Variants in COPA observed in about 807,000 individuals in gnomAD.
The protein encoded by COPA is coatomer subunit alpha.
A neutral mutation model predicts 158.7 loss-of-function variants in COPA; 10 were observed. The ratio of observed to expected loss-of-function variants is 0.06; its 90% CI spans 0.04 to 0.11. COPA has a LOEUF of 0.11. Ranked by LOEUF, COPA falls within the 10% of genes least tolerant of loss-of-function variation. The pLI, the probability that COPA is intolerant of heterozygous loss-of-function variation, is 1.00. For synonymous variants in COPA, 462 were observed against 542.8 expected (o/e 0.85, Z 2.07); for missense variants, 1,065 against 1,536.7 (o/e 0.69, Z 5.13).
intron 27 of COPA, 82 bp downstream of exon 27, chr1:160,293,083 AT>A: frequency 7.3e-7 from 1 of 1,360,916 alleles, no homozygotes; most frequent in Non-Finnish European, 1.0e-6. Flanking sequence ...GGGTAGGATA[AT>A]TTCCCTTGAT....
chr1:160,299,044 G>GAA, intron 18 of COPA, 53 bp from the exon 19 acceptor site: 11 of 1,172,066 alleles, frequency 9.4e-6, no homozygotes, highest in South Asian at 4.8e-5. Flanking sequence ...TACAGGAAAA[G>GAA]AAAAAAAAAA....
Position 160,333,679 on chromosome 1 carries a change from C to T in COPA, c.310G>A (p.Glu104Lys). 6.2e-7 allele frequency: 1 copy of T among 1,610,534 alleles called. No homozygotes were observed. Among genetic ancestry groups the T allele is most frequent in the Non-Finnish European group, 8.5e-7 (1 of 1,177,350 alleles). ...DYIRTTFFHHEYPWILSASDD... is the reference protein window; with the variant it reads ...DYIRTTFFHHKYPWILSASDD... ...GAGGCACTCAGAATCCAGGGATATT[C>T]CTGAAAGATATTCCAGACAAAGGCT... Residue 104 changes from glutamate to lysine, a missense_variant and splice_region_variant, in exon 5 of 33, where the codon GAA becomes AAA. Coordinates refer to ENST00000241704, the MANE Select transcript of COPA (RefSeq NM_004371.4).
intron 30 of COPA, 84 bp from the exon 31 acceptor site, chr1:160,291,580 A>C (rs1426742197): frequency 2.7e-6 from 4 of 1,486,176 alleles, no homozygotes; most frequent in Non-Finnish European, 3.7e-6. Flanking sequence ...ATGCATAAAA[A>C]ACACAACACA....
intron 3 of COPA, 105 bp from the exon 4 acceptor site, chr1:160,335,427 G>A: frequency 1.3e-6 from 1 of 774,718 alleles, no homozygotes; most frequent in Non-Finnish European, 1.9e-6. Context: ...TATAAATATA[G>A]ATTTATATAC....
chr1:160,306,715 C>G (rs1233401440), intron 14 of COPA, among the ~76,000 whole-genome samples: 1 of 152,156 alleles, frequency 6.6e-6, no homozygotes, highest in Non-Finnish European at 1.5e-5. Context: ...CCTGAGAAGT[C>G]CCAACTAAAG....
chr1:160,323,016 C>CA (rs1659379633), intron 8 of COPA, among the ~76,000 whole-genome samples: 1 of 151,152 alleles, frequency 6.6e-6, no homozygotes, highest in Non-Finnish European at 1.5e-5. Context: ...CACACACACA[C>CA]AATGGAATAT....
chr1:160,343,089 C>T, intron 1 of COPA, 42 bp downstream of exon 1: 1 of 1,613,636 alleles, frequency 6.2e-7, no homozygotes, highest in South Asian at 1.1e-5. Context: ...AGCGCCGCTC[C>T]TGACATCCAA....
intron 32 of COPA, 24 bp from the exon 33 acceptor site, chr1:160,290,240 C>G (rs1242492146): frequency 6.2e-7 from 1 of 1,613,346 alleles, no homozygotes; most frequent in East Asian, 2.2e-5. Flanking sequence ...AACAAAGGAA[C>G]AAGTTAGAGA....
intron 8 of COPA, among the ~76,000 whole-genome samples, chr1:160,318,866 A>G (rs1009945638): frequency 6.6e-6 from 1 of 152,058 alleles, no homozygotes; most frequent in Non-Finnish European, 1.5e-5. Flanking sequence ...CAGCACAAAA[A>G]CTATTAATAT....
At chr1:160,310,589 A>G in intron 11 of COPA, 1 of 167,710 alleles carries the variant, frequency 6.0e-6, no homozygotes, top group Non-Finnish European at 1.3e-5. Context: ...AGTGGACACC[A>G]CAGAGTAACA....
chr1:160,306,473 C>G lies in COPA; in HGVS notation c.1323G>C (p.Lys441Asn). The G allele has an allele frequency of 6.2e-7, 1 of 1,614,194 alleles. No individual in the cohort carries two copies. Among genetic ancestry groups the G allele is most frequent in the East Asian group, 2.2e-5 (1 of 44,884 alleles). Residue 441 changes from lysine to asparagine, a missense_variant, in exon 15 of 33, where the codon AAG (lysine) becomes AAC (asparagine). Around this residue, in one of 2 missense-constraint regions of COPA, gnomAD observed 980 missense variants for 1,357.8 expected, o/e 0.72. Transcript: ENST00000241704. The part of the protein sequence containing the change: ...RMHSLLIKNL[K>N]NEITKKVQVP... ...CCTGTACCTTTTTGGTGATCTCATTCTTCAGATTCTTGATCAGAAGCTGCA... is the reference window on the plus strand; with the variant it reads ...CCTGTACCTTTTTGGTGATCTCATTGTTCAGATTCTTGATCAGAAGCTGCA...
intron 17 of COPA, among the ~76,000 whole-genome samples, chr1:160,301,927 T>G (rs1404590872): frequency 6.6e-6 from 1 of 152,016 alleles, no homozygotes; most frequent in South Asian, 2.1e-4. Flanking sequence ...ATTTTAAAAA[T>G]CTACTGTAAG....
chr1:160,305,156 T>C (rs912588543), intron 17 of COPA: 4 of 272,178 alleles, frequency 1.5e-5, no homozygotes, highest in African/African-American at 8.8e-5. Flanking sequence ...GTGCCGGAAC[T>C]GTTCTATTTT....
intron 17 of COPA, among the ~76,000 whole-genome samples, chr1:160,301,743 G>A (rs922859442): frequency 1.3e-5 from 2 of 151,950 alleles, no homozygotes; most frequent in Non-Finnish European, 2.9e-5. Flanking sequence ...ACTACACAAT[G>A]GGCAACAGAG....
In COPA at chr1:160,297,569, C is replaced by T. The variant is rs1407441109; in HGVS notation, c.2154G>A (p.Lys718=). The change falls in exon 20 of 33, where the codon AAG becomes AAA. Residue 718 remains lysine (K), a synonymous_variant. Transcript: ENST00000241704. Reference sequence around the variant, plus strand: ...TGAGGGCCTCACCAATCTTCATCATCTTGCGAAGTTTTTCTAAGTTGCCAG... The same window carrying T: ...TGAGGGCCTCACCAATCTTCATCATTTTGCGAAGTTTTTCTAAGTTGCCAG... ...LITGNLEKLR[K]MMKIAEIRKD... is the part of the protein sequence containing the mutation. 2.5e-6 allele frequency: 4 copies of T among 1,613,886 alleles called. No homozygotes were observed. The African/African-American group carries it at 5.3e-5, about 22-fold the overall frequency.
chr1:160,294,463 A>G (rs1658336459), intron 25 of COPA, 21 bp downstream of exon 25: 2 of 1,604,336 alleles, frequency 1.2e-6, no homozygotes, highest in Admixed American at 1.7e-5. Context: ...AGAACCTTCT[A>G]AGGGTACAAA....
At chr1:160,323,309 G>A in intron 8 of COPA, 122 bp downstream of exon 8, 1 of 520,284 alleles carries the variant, frequency 1.9e-6, no homozygotes, top group Non-Finnish European at 3.2e-6. Context: ...CTATGCTCCT[G>A]GGATTAGCAT....
rs1425171090 is a variant in COPA at position 160,294,776 on chromosome 1, A to G, written c.2558T>C (p.Leu853Ser). Residue 853 changes from leucine to serine, a missense_variant, in exon 24 of 33, where the codon TTG (leucine) becomes TCG (serine). Transcript: ENST00000241704. ...EGWGEDAELQ[L>S]DEDGFVEATE... is the part of the protein sequence containing the mutation. ...TAAAACAGCACTTTTACCTTCATCC[A>G]ACTGCAGCTCTGCATCCTCTCCCCA... 6.2e-7 allele frequency: 1 copy of G among 1,613,990 alleles called. No homozygotes were observed. Among genetic ancestry groups the G allele is most frequent in the African/African-American group, 1.3e-5 (1 of 74,898 alleles).
chr1:160,327,014 T>C (rs1182085122), intron 6 of COPA, among the ~76,000 whole-genome samples: 1 of 152,204 alleles, frequency 6.6e-6, no homozygotes, highest in African/African-American at 2.4e-5. Context: ...GAAAGTACTT[T>C]GTGGTTTTCA....
Sources: allele counts gnomAD v4.1 joint callset (sites outside exome capture counted in the v4.1 genomes callset), GRCh38; gene constraint gnomAD v4.1.1; regional missense constraint gnomAD v4.1.1; transcripts MANE v1.5; gene names NCBI Gene and HGNC (gene_info 2026-07-23, HGNC 2026-07-21).